Variants in GREB1 observed in about 807,000 individuals in gnomAD.
GREB1 encodes the protein growth regulating estrogen receptor binding 1, also known as protein GREB1.
A neutral mutation model predicts 200.7 loss-of-function variants in GREB1; 106 were observed. That is an observed-to-expected ratio of 0.53 (90% confidence interval 0.45 to 0.62). The LOEUF is 0.62. Ranked by LOEUF, GREB1 falls within the 20% of genes least tolerant of loss-of-function variation. The pLI, the probability that GREB1 is intolerant of heterozygous loss-of-function variation, is 0.00. For synonymous variants in GREB1, 1,132 were observed against 1,092.4 expected, an observed-to-expected ratio of 1.04 and a Z score of -0.72; for missense variants, 2,243 against 2,556.8, an observed-to-expected ratio of 0.88 and a Z score of 2.65.
chr2:11,632,677 A>G (rs1348712726), intron 27 of GREB1, among the ~76,000 whole-genome samples: 1 of 152,124 alleles, frequency 6.6e-6, no homozygotes, highest in Admixed American at 6.5e-5. Flanking sequence ...AAGCATAAGA[A>G]AGCAAATTTG....
intron 17 of GREB1, among the ~76,000 whole-genome samples, chr2:11,606,345 G>C (rs10153895): frequency 0.015 from 2,341 of 152,220 alleles, 71 homozygotes; most frequent in African/African-American, 0.053. Flanking sequence ...CACTTGGTAT[G>C]GTCAGTATTT....
intron 3 of GREB1, 56 bp from the exon 4 acceptor site, chr2:11,566,424 T>C: frequency 6.6e-7 from 1 of 1,526,138 alleles, no homozygotes; most frequent in South Asian, 1.3e-5. Flanking sequence ...TTTGCCCCTG[T>C]GACCCCGCTT....
chr2:11,505,556 G>T (rs1673162067), intron 1 of GREB1, among the ~76,000 whole-genome samples: 1 of 152,182 alleles, frequency 6.6e-6, no homozygotes, highest in Admixed American at 6.5e-5. Flanking sequence ...CAATGAAAGT[G>T]TTCAGGCTGG....
At chr2:11,553,995 G>T (rs911706732) in intron 1 of GREB1, among the ~76,000 whole-genome samples, 6 of 152,148 alleles carry the variant, frequency 3.9e-5, no homozygotes, top group African/African-American at 1.4e-4. Flanking sequence ...GGGCATTTGG[G>T]ATGTTATTCG....
At chr2:11,637,497 T>C (rs1685476615) in intron 30 of GREB1, among the ~76,000 whole-genome samples, 1 of 152,226 alleles carries the variant, frequency 6.6e-6, no homozygotes, top group African/African-American at 2.4e-5. Flanking sequence ...TAATTCTTAC[T>C]GATTAGGGTG....
At chr2:11,596,938 G>C (rs1331998894) in intron 13 of GREB1, among the ~76,000 whole-genome samples, 1 of 150,508 alleles carries the variant, frequency 6.6e-6, no homozygotes, top group African/African-American at 2.4e-5. Context: ...GGGGGCGGGG[G>C]CGCAGGTGTG....
intron 1 of GREB1, among the ~76,000 whole-genome samples, chr2:11,494,308 C>G (rs1672833001): frequency 6.6e-6 from 1 of 152,242 alleles, no homozygotes; most frequent in Admixed American, 6.5e-5. Flanking sequence ...CAGACACCCT[C>G]TGGATCCTCT....
At chr2:11,614,124 GA>G (rs778171244) in intron 19 of GREB1, among the ~76,000 whole-genome samples, 31,675 of 133,218 alleles carry the variant, frequency 0.24, 4,445 homozygotes, top group Admixed American at 0.37. Context: ...AGCGGACTTA[GA>G]TTTTTTTTTT....
At position 11,626,943 on chromosome 2, in the gene GREB1, C is replaced by T. The variant is rs571543339; in HGVS notation, c.4307-19C>T. On this transcript the variant is annotated intron_variant, in intron 24 of 32. Coordinates refer to ENST00000381486, the MANE Select transcript of GREB1 (RefSeq NM_014668.4). ...GCTTTGCTCCCTGCTGCTTTTTAATCCTGGGGAATTTGGTGCAGACAGAGG... is the reference window on the plus strand; with the variant it reads ...GCTTTGCTCCCTGCTGCTTTTTAATTCTGGGGAATTTGGTGCAGACAGAGG... 7 of 1,613,882 alleles carry T rather than the reference C, an allele frequency of 4.3e-6. No homozygotes were observed. The East Asian group carries it at 1.3e-4, about 31-fold the overall frequency.
At position 11,638,651 on chromosome 2, in the gene GREB1, T is replaced by C. The variant is rs1265273553; in HGVS notation, c.5548-20T>C. The C allele has an allele frequency of 6.2e-7, 1 of 1,609,356 alleles. No individual in the cohort carries two copies. The highest frequency in any genetic ancestry group is 8.5e-7 in the Non-Finnish European group (1 of 1,178,624). On this transcript the variant is annotated intron_variant, in intron 31 of 32. Transcript: ENST00000381486. ...ATTTCATAGAAAACGGTGCCCTCTC[T>C]TGGATTTCTTCTTTTTCAGATTTCT...
intron 4 of GREB1, among the ~76,000 whole-genome samples, chr2:11,574,067 G>A (rs991030363): frequency 3.3e-5 from 5 of 152,210 alleles, no homozygotes; most frequent in African/African-American, 9.7e-5. Context: ...TATCTCAAGC[G>A]TCCCTAAGTT....
rs146198930 is a variant in GREB1 at position 11,516,673 on chromosome 2, C to T, written c.-159+34292C>T. Reference sequence around the variant, plus strand: ...ATGCGGTTGAGGCGTGAGGGCCAAACGGCCTTACCCAAGCTCCCCGCCCCA... The same window carrying T: ...ATGCGGTTGAGGCGTGAGGGCCAAATGGCCTTACCCAAGCTCCCCGCCCCA... On this transcript the variant is annotated intron_variant, in intron 1 of 2. Transcript: ENST00000628795. 2.7e-3 allele frequency among the ~76,000 whole-genome samples: 392 copies of T among 145,364 alleles called. 4 individuals carry two copies. Among genetic ancestry groups the T allele is most frequent in the African/African-American group, 0.01 (371 of 37,020 alleles).
chr2:11,632,870 G>T lies in GREB1; in HGVS notation c.4817-19G>T. Reference sequence around the variant, plus strand: ...TGGGTGCAGGTCAGTCCTGAGTCCAGGTGCTTTGCCCACTGCAGGTGCTGC... The same window carrying T: ...TGGGTGCAGGTCAGTCCTGAGTCCATGTGCTTTGCCCACTGCAGGTGCTGC... On this transcript the variant is annotated intron_variant, in intron 27 of 32. Transcript: ENST00000381486. 2 of 1,610,980 alleles carry T rather than the reference G, an allele frequency of 1.2e-6. No individual in the cohort carries two copies. The highest frequency in any genetic ancestry group is 1.7e-6 in the Non-Finnish European group (2 of 1,178,428).
At chr2:11,599,519 A>ATTT (rs11367888) in intron 15 of GREB1, among the ~76,000 whole-genome samples, 20 of 99,750 alleles carry the variant, frequency 2.0e-4, no homozygotes, top group African/African-American at 7.8e-4. Flanking sequence ...TCGTTTTTGT[A>ATTT]TTTTTTTTTT....
At chr2:11,518,556 G>T (rs1673590399) in intron 1 of GREB1, among the ~76,000 whole-genome samples, 1 of 152,122 alleles carries the variant, frequency 6.6e-6, no homozygotes, top group African/African-American at 2.4e-5. Flanking sequence ...TGTGGCATGG[G>T]CCTGGTTAAT....
intron 15 of GREB1, among the ~76,000 whole-genome samples, chr2:11,600,099 G>T (rs965882130): frequency 6.6e-6 from 1 of 152,188 alleles, no homozygotes; most frequent in East Asian, 1.9e-4. Flanking sequence ...GAAGGACCTC[G>T]TAAAGGGTTT....
At chr2:11,594,057 G>A (rs954683607) in intron 11 of GREB1, among the ~76,000 whole-genome samples, 9 of 152,150 alleles carry the variant, frequency 5.9e-5, no homozygotes, top group Non-Finnish European at 1.0e-4. Context: ...CGGCTGAAGT[G>A]CAGTGGCGAG....
chr2:11,617,614 C>T lies in GREB1; in HGVS notation c.3413-674C>T, dbSNP rs3792036. 9.8e-5 allele frequency among the ~76,000 whole-genome samples: 15 copies of T among 152,334 alleles called. No homozygotes were observed. In the East Asian group the frequency reaches 2.5e-3, roughly 25 times the overall value. On this transcript the variant is annotated intron_variant, in intron 21 of 32. Transcript: ENST00000381486. Reference sequence around the variant, plus strand: ...GCAGCTGACCCTCAGTCGGGCCTTGCGGAAGGTGTTGCAAGTGCAGGAAGC... The same window carrying T: ...GCAGCTGACCCTCAGTCGGGCCTTGTGGAAGGTGTTGCAAGTGCAGGAAGC...
chr2:11,616,316 C>T (rs977964445), intron 20 of GREB1, among the ~76,000 whole-genome samples: 1 of 152,238 alleles, frequency 6.6e-6, no homozygotes, highest in Non-Finnish European at 1.5e-5. Context: ...CCAGATGCCC[C>T]CCTCTTCCAG....
Sources: allele counts gnomAD v4.1 joint callset (sites outside exome capture counted in the v4.1 genomes callset), GRCh38; gene constraint gnomAD v4.1.1; transcripts MANE v1.5; gene names NCBI Gene and HGNC (gene_info 2026-07-23, HGNC 2026-07-21).